Variants in DOT1L observed in about 807,000 individuals in gnomAD.
DOT1L encodes histone-lysine N-methyltransferase, H3 lysine-79 specific.
Under a neutral mutation model 153.3 loss-of-function variants are expected in DOT1L, and 33 were observed. The observed-to-expected ratio is 0.22, with a 90% CI of 0.16 to 0.29. DOT1L has a LOEUF of 0.29. Among genes scored for constraint, DOT1L ranks in the 10% least tolerant of loss-of-function variants. DOT1L has a pLI of 1.00. For synonymous variants in DOT1L, 1,135 were observed against 965.1 expected, an observed-to-expected ratio of 1.18 and a Z score of -3.26; for missense variants, 1,847 against 2,119.9, an observed-to-expected ratio of 0.87 and a Z score of 2.53.
In DOT1L at chr19:2,217,744, C is replaced by G; in HGVS notation, c.2545-28C>G. On this transcript the variant is annotated intron_variant, in intron 21 of 27. Transcript: ENST00000398665. This position sits in a 1 kb window ranked among gnomAD's most constrained non-coding sequence, Gnocchi z 7.3. ...TGTCCTGGAGGGGTTTGTTGACCCA[C>G]GACTGGGGGTCGGGCCTTCGTCTGC... 1 of 1,583,572 alleles carries G rather than the reference C, an allele frequency of 6.3e-7. No homozygotes were observed. Among genetic ancestry groups the G allele is most frequent in the Non-Finnish European group, 8.6e-7 (1 of 1,166,062 alleles).
chr19:2,165,641 C>T (rs1306045910), intron 1 of DOT1L, among the ~76,000 whole-genome samples: 1 of 152,260 alleles, frequency 6.6e-6, no homozygotes, highest in African/African-American at 2.4e-5. Flanking sequence ...GCCTCCACTT[C>T]TCTCTGTTGG....
At chr19:2,221,832 G>T in intron 23 of DOT1L, 144 bp from the exon 24 acceptor site, 1 of 837,822 alleles carries the variant, frequency 1.2e-6, no homozygotes, top group Non-Finnish European at 1.8e-6. Flanking sequence ...CACCCCAGAG[G>T]GGCCGTTTTC....
rs1414265687 is a variant in DOT1L, at chr19:2,220,556, T to C, written c.2806+334T>C. 1 of 482,454 alleles carries C rather than the reference T, an allele frequency of 2.1e-6. No homozygotes were observed. The highest frequency in any genetic ancestry group is 2.3e-5 in the Admixed American group (1 of 43,242). The allele number at this position is 482,454 out of a possible 1,614,324, so 29.9% of individuals were successfully genotyped here. ...GGGAGGCCCCTGACTCAGGATCGGC[T>C]CCACACACAGCAGTGCCCAATGGCA... is the stretch of plus-strand genomic sequence containing the variant. On this transcript the variant is annotated intron_variant, in intron 23 of 27. Coordinates refer to ENST00000398665, the MANE Select transcript of DOT1L (RefSeq NM_032482.3). The surrounding 1 kb of genome is among the most constrained non-coding windows in gnomAD (Gnocchi z 4.5).
At position 2,191,727 on chromosome 19, in the gene DOT1L, C is replaced by G. The variant is rs576410554; in HGVS notation, c.493+487C>G. 6.6e-6 allele frequency among the ~76,000 whole-genome samples: 1 copy of G among 152,164 alleles called. No homozygotes were observed. Among genetic ancestry groups the G allele is most frequent in the African/African-American group, 2.4e-5 (1 of 41,534 alleles). On this transcript the variant is annotated intron_variant, in intron 5 of 27. Coordinates refer to ENST00000398665, the MANE Select transcript of DOT1L (RefSeq NM_032482.3). The surrounding 1 kb of genome is among the most constrained non-coding windows in gnomAD (Gnocchi z 6.8). Reference sequence around the variant, plus strand: ...GCTCCCGGAGGCCCTCGCGCCCTCCCTGCATCCCCAGTCTCCCTCGGCACC... The same window carrying G: ...GCTCCCGGAGGCCCTCGCGCCCTCCGTGCATCCCCAGTCTCCCTCGGCACC...
At chr19:2,172,193 CTT>C (rs571890299) in intron 1 of DOT1L, among the ~76,000 whole-genome samples, 13 of 144,046 alleles carry the variant, frequency 9.0e-5, no homozygotes, top group Admixed American at 2.8e-4. Context: ...CTTTTCTTTC[CTT>C]TTTTTTTTTT....
At chr19:2,174,829 G>A (rs1416687660) in intron 1 of DOT1L, among the ~76,000 whole-genome samples, 1 of 151,470 alleles carries the variant, frequency 6.6e-6, no homozygotes, top group Non-Finnish European at 1.5e-5. Flanking sequence ...AGAGATGAGG[G>A]TCTCAATATG....
intron 8 of DOT1L, among the ~76,000 whole-genome samples, chr19:2,201,518 G>T (rs986453719): frequency 9.9e-5 from 15 of 152,182 alleles, no homozygotes; most frequent in African/African-American, 3.6e-4. Context: ...AGAAAATGGG[G>T]GTTTCTTTTC....
Position 2,193,509 on chromosome 19 carries a change from G to T in DOT1L, c.494-180G>T, listed in dbSNP as rs564395222. Among the ~76,000 whole-genome samples the T allele has an allele frequency of 6.6e-6, 1 of 152,304 alleles. No homozygotes were observed. The highest frequency in any genetic ancestry group is 1.5e-5 in the Non-Finnish European group (1 of 68,020). ...CGTCCCCTCGTGGGGGCTCTGTCAG[G>T]GGCCTGGTCTCTGGGAAGGATCCTG... On this transcript the variant is annotated intron_variant, in intron 5 of 27. Transcript: ENST00000398665. This position sits in a 1 kb window ranked among gnomAD's most constrained non-coding sequence, Gnocchi z 5.9.
In DOT1L at chr19:2,217,106, C is replaced by A. The variant is rs745523855; in HGVS notation, c.2544+16C>A. On this transcript the variant is annotated intron_variant, in intron 21 of 27. Coordinates refer to ENST00000398665, the MANE Select transcript of DOT1L (RefSeq NM_032482.3). This position sits in a 1 kb window ranked among gnomAD's most constrained non-coding sequence, Gnocchi z 7.3. ...CAGTGAGAAGGTGCGGGCCGCGACC[C>A]CTGCCCCGGGCTCAGGGAGGTGCTC... The A allele has an allele frequency of 6.3e-7, 1 of 1,575,870 alleles. No homozygotes were observed. Among genetic ancestry groups the A allele is most frequent in the South Asian group, 1.1e-5 (1 of 89,074 alleles).
At position 2,203,063 on chromosome 19, in the gene DOT1L, G is replaced by A. The variant is rs375668231; in HGVS notation, c.787+284G>A. On this transcript the variant is annotated intron_variant, in intron 9 of 27. Transcript: ENST00000398665. ...CAGTCTCCCGAGTAGCTGGGACTAC[G>A]GGTCTGTGCCACCATGCTCAGCTAA... is the stretch of plus-strand genomic sequence containing the variant. Among the ~76,000 whole-genome samples the A allele has an allele frequency of 4.6e-5, 7 of 151,688 alleles. No individual in the cohort carries two copies. The East Asian group carries it at 5.8e-4, about 13-fold the overall frequency.
At chr19:2,214,675 G>T in intron 19 of DOT1L, 79 bp downstream of exon 19, 1 of 1,546,214 alleles carries the variant, frequency 6.5e-7, no homozygotes, top group Admixed American at 1.9e-5. Flanking sequence ...TGAGCCTAGG[G>T]TGGTTGCGGT....
At chr19:2,214,416 G>A in intron 18 of DOT1L, 55 bp from the exon 19 acceptor site, 1 of 1,595,534 alleles carries the variant, frequency 6.3e-7, no homozygotes, top group Non-Finnish European at 8.6e-7. Flanking sequence ...GAGAGTGTGG[G>A]GTGTGCTGGG....
chr19:2,196,325 C>G (rs1046952693), intron 7 of DOT1L, among the ~76,000 whole-genome samples: 2 of 152,174 alleles, frequency 1.3e-5, no homozygotes, highest in Non-Finnish European at 2.9e-5. Flanking sequence ...CCCAGGAGTT[C>G]GGACACATTT....
chr19:2,200,257 G>T (rs946810660), intron 8 of DOT1L, among the ~76,000 whole-genome samples: 5 of 151,442 alleles, frequency 3.3e-5, no homozygotes, highest in Non-Finnish European at 7.4e-5. Flanking sequence ...CCCCGCTCAG[G>T]CTTGGTCTGG....
At position 2,230,835 on chromosome 19, in the gene DOT1L, CCAGA is replaced by C. The variant is rs890423166; in HGVS notation, c.*1048_*1051del. On this transcript the variant is annotated 3_prime_UTR_variant, in exon 28 of 28. Coordinates refer to ENST00000398665, the MANE Select transcript of DOT1L (RefSeq NM_032482.3). ...CCCCTCAGTTGCAGCTCCCAGCAGC[CCAGA>C]CAGAGCTGCCGGCGCCCCTGCCTGC... The C allele has an allele frequency of 1.4e-5, 5 of 366,910 alleles. No individual in the cohort carries two copies. The highest frequency in any genetic ancestry group is 2.4e-5 in the Non-Finnish European group (5 of 206,158). 22.7% of individuals were successfully genotyped at this position (366,910 alleles called of 1,614,324 possible). A position where few individuals can be genotyped will look rare whatever the true frequency, so the allele number is the denominator to read the frequency against.
intron 7 of DOT1L, 24 bp from the exon 8 acceptor site, chr19:2,199,860 G>A (rs755301973): frequency 1.2e-5 from 20 of 1,612,408 alleles, no homozygotes; most frequent in South Asian, 5.5e-5. Flanking sequence ...GGGGGTCCGC[G>A]CTCACACCTG....
At position 2,208,790 on chromosome 19, in the gene DOT1L, G is replaced by A. The variant is rs1224593782; in HGVS notation, c.964-145G>A. The stretch of plus-strand genomic sequence containing the variant: ...TCACATCCGCGTTTGCCACTGGGGG[G>A]CTCTAGCTGCATGCCTGCTGTCCCC... On this transcript the variant is annotated intron_variant, in intron 11 of 27. Transcript: ENST00000398665. The surrounding 1 kb of genome is among the most constrained non-coding windows in gnomAD (Gnocchi z 4.4). The A allele has an allele frequency of 2.5e-6, 2 of 797,498 alleles. No individual in the cohort carries two copies. The highest frequency in any genetic ancestry group is 5.1e-5 in the East Asian group (2 of 39,136). 49.4% of individuals were successfully genotyped at this position (797,498 alleles called of 1,614,324 possible). A position where few individuals can be genotyped will look rare whatever the true frequency, so the allele number is the denominator to read the frequency against.
At chr19:2,180,676 G>A in intron 1 of DOT1L, 37 bp from the exon 2 acceptor site, 1 of 1,613,204 alleles carries the variant, frequency 6.2e-7, no homozygotes. Flanking sequence ...CGGGGTGGAG[G>A]ATGGCTCTGC....
Position 2,210,854 on chromosome 19 carries a change from G to C in DOT1L, c.1350G>C (p.Gln450His). ...TVSQTAASSP[Q>H]DAYRSPHSPF... The stretch of plus-strand genomic sequence containing the variant: ...CTCAGACGGCGGCCTCCTCACCCCA[G>C]GGTGAGCCGCCCCCACGCCACGGCC... The change falls in exon 14 of 28, where the codon CAG (glutamine) becomes CAC (histidine). Residue 450 changes from glutamine to histidine, a missense_variant and splice_region_variant. By Grantham distance (24) the Gln-to-His change is conservative. Coordinates refer to ENST00000398665, the MANE Select transcript of DOT1L (RefSeq NM_032482.3). 6.2e-7 allele frequency: 1 copy of C among 1,611,492 alleles called. No individual in the cohort carries two copies. Among genetic ancestry groups the C allele is most frequent in the Non-Finnish European group, 8.5e-7 (1 of 1,179,206 alleles).
Sources: gnomAD v4.1 joint callset for allele counts (sites outside exome capture counted in the v4.1 genomes callset) on GRCh38, gnomAD v4.1.1 for gene constraint, Gnocchi (gnomAD v3.1) non-coding constraint, MANE v1.5 for transcripts, NCBI Gene and HGNC (gene_info 2026-07-23, HGNC 2026-07-21) for gene names.